NTM: variants seen among roughly 807,000 people sequenced by gnomAD.
The protein encoded by NTM is neurotrimin.
A neutral mutation model predicts 42.1 loss-of-function variants in NTM; 13 were observed. The observed-to-expected ratio is 0.31, with a 90% CI of 0.20 to 0.49. NTM has a LOEUF of 0.49. NTM is among the 20% of genes least tolerant of loss of function. NTM has a pLI of 0.99. For synonymous variants in NTM, 187 were observed against 179.2 expected, an observed-to-expected ratio of 1.04 and a Z score of -0.35; for missense variants, 373 against 452.8, an observed-to-expected ratio of 0.82 and a Z score of 1.60.
intron 4 of NTM, among the ~76,000 whole-genome samples, chr11:132,230,407 T>C (rs2087268990): frequency 6.6e-6 from 1 of 152,242 alleles, no homozygotes; most frequent in South Asian, 2.1e-4. Flanking sequence ...GTTAACTTGC[T>C]GGAGGTCAAG....
At chr11:131,926,304 G>A (rs940298135) in intron 2 of NTM, among the ~76,000 whole-genome samples, 3 of 152,044 alleles carry the variant, frequency 2.0e-5, no homozygotes, top group Non-Finnish European at 4.4e-5. Flanking sequence ...ACCAGCTGTC[G>A]GAAAACAAAT....
intron 1 of NTM, among the ~76,000 whole-genome samples, chr11:131,721,595 G>T (rs866465802): frequency 1.3e-5 from 2 of 152,204 alleles, no homozygotes; most frequent in Middle Eastern, 6.8e-3. Context: ...TACCAGACTT[G>T]TGTGAATTTG....
intron 1 of NTM, among the ~76,000 whole-genome samples, chr11:131,621,678 T>C (rs913934198): frequency 2.0e-5 from 3 of 149,680 alleles, no homozygotes; most frequent in Non-Finnish European, 3.0e-5. Context: ...TTTAATTAGC[T>C]GAGCATGGTG....
intron 1 of NTM, among the ~76,000 whole-genome samples, chr11:131,373,726 C>T (rs1941543028): frequency 6.6e-6 from 1 of 152,262 alleles, no homozygotes; most frequent in Admixed American, 6.5e-5. Context: ...TTCTAGAAAA[C>T]CGACCATTTC....
intron 4 of NTM, among the ~76,000 whole-genome samples, chr11:132,297,098 T>C (rs1192090653): frequency 6.6e-6 from 1 of 152,184 alleles, no homozygotes; most frequent in Non-Finnish European, 1.5e-5. Flanking sequence ...TTTCCCAAGT[T>C]ATTCCCTTCT....
chr11:131,535,340 T>G (rs2136712565), intron 1 of NTM: 1 of 152,192 alleles, frequency 6.6e-6, no homozygotes, highest in East Asian at 1.9e-4. Context: ...ACAACTCAAA[T>G]CAATAATATG....
intron 6 of NTM, among the ~76,000 whole-genome samples, chr11:132,312,166 T>C (rs2095300136): frequency 6.6e-6 from 1 of 152,112 alleles, no homozygotes; most frequent in Non-Finnish European, 1.5e-5. Context: ...CACAGCAAGT[T>C]GGGTCTGCCA....
intron 2 of NTM, among the ~76,000 whole-genome samples, chr11:132,069,340 C>A (rs1203997575): frequency 1.4e-5 from 2 of 147,038 alleles, no homozygotes; most frequent in South Asian, 2.2e-4. Flanking sequence ...CGTCACACAG[C>A]CAAGTTAACA....
At chr11:131,699,176 T>C (rs1411750037) in intron 1 of NTM, among the ~76,000 whole-genome samples, 2 of 152,222 alleles carry the variant, frequency 1.3e-5, no homozygotes, top group Non-Finnish European at 2.9e-5. Context: ...GAGCACTGAA[T>C]CTGCACAGAT....
intron 1 of NTM, among the ~76,000 whole-genome samples, chr11:131,550,897 G>A (rs969257045): frequency 6.6e-6 from 1 of 152,094 alleles, no homozygotes; most frequent in Non-Finnish European, 1.5e-5. Flanking sequence ...TTTTCTACAC[G>A]AAGTTACCGA....
intron 4 of NTM, among the ~76,000 whole-genome samples, chr11:132,239,046 G>C (rs2089670652): frequency 6.6e-6 from 1 of 152,184 alleles, no homozygotes; most frequent in Non-Finnish European, 1.5e-5. Context: ...ATCTATACAG[G>C]TCCTGGGGTG....
chr11:132,268,889 G>A (rs2093349592), intron 4 of NTM, among the ~76,000 whole-genome samples: 1 of 152,104 alleles, frequency 6.6e-6, no homozygotes, highest in South Asian at 2.1e-4. Flanking sequence ...GAAGGTCAGA[G>A]AATGCCAGCT....
intron 1 of NTM, among the ~76,000 whole-genome samples, chr11:131,560,493 C>A (rs749242454): frequency 2.0e-5 from 3 of 152,126 alleles, no homozygotes; most frequent in Admixed American, 6.5e-5. Flanking sequence ...GGAAGAGAAC[C>A]TTTTGTGGAA....
At chr11:131,789,720 G>GCCA (rs2090577469) in intron 1 of NTM, among the ~76,000 whole-genome samples, 1 of 151,444 alleles carries the variant, frequency 6.6e-6, no homozygotes, top group African/African-American at 2.4e-5. Flanking sequence ...ACTTTGGGAG[G>GCCA]TGGAGGCAGG....
At chr11:131,796,180 A>C in intron 1 of NTM, 1 of 985,130 alleles carries the variant, frequency 1.0e-6, no homozygotes, top group Non-Finnish European at 1.2e-6. Context: ...GCAGCTGGGG[A>C]AACAAAGGAA....
At chr11:131,412,387 T>A (rs746296058) in intron 1 of NTM, among the ~76,000 whole-genome samples, 48 of 152,144 alleles carry the variant, frequency 3.2e-4, no homozygotes, top group Non-Finnish European at 5.0e-4. Flanking sequence ...AGGAGCAAAC[T>A]AAGGAATGGG....
At chr11:131,964,310 G>A (rs2062569338) in intron 2 of NTM, among the ~76,000 whole-genome samples, 1 of 152,074 alleles carries the variant, frequency 6.6e-6, no homozygotes, top group Non-Finnish European at 1.5e-5. Context: ...TGAGTCAGCT[G>A]GTGAAATTTC....
At chr11:132,046,229 A>G (rs2077966273) in intron 2 of NTM, among the ~76,000 whole-genome samples, 1 of 152,230 alleles carries the variant, frequency 6.6e-6, no homozygotes, top group Non-Finnish European at 1.5e-5. Flanking sequence ...TGCACAGCTA[A>G]TGCTGACAGT....
chr11:131,752,546 C>A (rs1379469158), intron 1 of NTM, among the ~76,000 whole-genome samples: 1 of 152,138 alleles, frequency 6.6e-6, no homozygotes, highest in African/African-American at 2.4e-5. Flanking sequence ...TGGGTATATA[C>A]CCAAAGGATT....
Sources: gnomAD v4.1 joint callset for allele counts (sites outside exome capture counted in the v4.1 genomes callset) on GRCh38, gnomAD v4.1.1 for gene constraint, MANE v1.5 for transcripts, NCBI Gene and HGNC (gene_info 2026-07-23, HGNC 2026-07-21) for gene names.